PABPC4: variants seen among roughly 807,000 people sequenced by gnomAD.
PABPC4 encodes poly(A) binding protein cytoplasmic 4.
In PABPC4, 15 loss-of-function variants were observed where a neutral mutation model predicts 74.5. The ratio of observed to expected loss-of-function variants is 0.20; its 90% CI spans 0.13 to 0.31. The LOEUF (loss-of-function observed/expected upper bound fraction) is 0.31, where lower values mean the gene tolerates loss of function less well. Among genes scored for constraint, PABPC4 ranks in the 10% least tolerant of loss-of-function variants. The pLI is 1.00. For missense variants in PABPC4, 610 were observed against 853.5 expected (o/e 0.71, Z 3.55); for synonymous variants, 345 against 303.0 (o/e 1.14, Z -1.44).
In PABPC4 at chr1:39,569,979, C is replaced by G. The variant is rs1467455183; in HGVS notation, c.527G>C (p.Arg176Pro). The change falls in exon 4 of 16, where the codon CGC becomes CCC. Residue 176 changes from arginine to proline, a missense_variant. Physicochemically the swap from Arg to Pro is moderately radical, Grantham distance 103. Around this residue, in one of 4 missense-constraint regions of PABPC4, gnomAD observed 304 missense variants for 478.9 expected, o/e 0.63. Coordinates refer to ENST00000372858, the MANE Select transcript of PABPC4 (RefSeq NM_001135653.2). Reference sequence around the variant, plus strand: ...TCCAAGCTCAGCTTCCCGCTCTTTGCGAGACTTGAATCTGCCCACAAATCT... The same window carrying G: ...TCCAAGCTCAGCTTCCCGCTCTTTGGGAGACTTGAATCTGCCCACAAATCT... Reference protein sequence around the residue: ...RKVFVGRFKSRKEREAELGAK... With the variant: ...RKVFVGRFKSPKEREAELGAK... 1.2e-6 allele frequency: 2 copies of G among 1,613,748 alleles called. No individual in the cohort carries two copies. Among genetic ancestry groups the G allele is most frequent in the African/African-American group, 2.7e-5 (2 of 74,904 alleles).
intron 2 of PABPC4, among the ~76,000 whole-genome samples, chr1:39,572,157 C>T (rs1225336786): frequency 2.0e-5 from 3 of 152,132 alleles, no homozygotes; most frequent in Admixed American, 1.3e-4. Context: ...CTTTCCAAAG[C>T]TAAAGAATAG....
At chr1:39,564,024 G>T in intron 10 of PABPC4, 102 bp from the exon 11 acceptor site, 2 of 982,534 alleles carry the variant, frequency 2.0e-6, no homozygotes, top group Non-Finnish European at 3.2e-6. Flanking sequence ...GCAACACATT[G>T]CACAGGGGGC....
In PABPC4 at chr1:39,568,835, T is replaced by C. The variant is rs1384400796; in HGVS notation, c.843A>G (p.Glu281=). ...ERQAELKRKF[E]QLKQERISRY... ...GACTAATTCTCTCCTGTTTCAACTGTTCAAATTTCCGTTTTAACTCTGCCT... is the reference window on the plus strand; with the variant it reads ...GACTAATTCTCTCCTGTTTCAACTGCTCAAATTTCCGTTTTAACTCTGCCT... The change falls in exon 6 of 16, where the codon GAA becomes GAG. Residue 281 remains glutamate (E), a synonymous_variant. Transcript: ENST00000372858. 1.2e-6 allele frequency: 2 copies of C among 1,614,148 alleles called. No homozygotes were observed. Among genetic ancestry groups the C allele is most frequent in the Non-Finnish European group, 8.5e-7 (1 of 1,180,020 alleles).
At position 39,565,888 on chromosome 1, in the gene PABPC4, C is replaced by CA. The variant is rs202188650; in HGVS notation, c.973-511dup. On this transcript the variant is annotated intron_variant, in intron 7 of 15. Transcript: ENST00000372858. ...CAAAAACACCAACCAACCAAACCAA[C>CA]AAAAAAAACAAAACAAACCTACAAA... Among the ~76,000 whole-genome samples the CA allele has an allele frequency of 7.8e-3, 1,186 of 151,358 alleles. 14 individuals are homozygous for CA. The highest frequency in any genetic ancestry group is 0.026 in the African/African-American group (1,057 of 41,232).
Position 39,564,553 on chromosome 1 carries a change from G to A in PABPC4, c.1334-11C>T. ...GCATTCCTTGGAAGCCTGGTGAAGA[G>A]AAAAATTGCACATCATTGAGAAGTG... On this transcript the variant is annotated splice_polypyrimidine_tract_variant and intron_variant, in intron 9 of 15. Transcript: ENST00000372858. 1 of 1,613,954 alleles carries A rather than the reference G, an allele frequency of 6.2e-7. No individual in the cohort carries two copies. Among genetic ancestry groups the A allele is most frequent in the Admixed American group, 1.7e-5 (1 of 59,994 alleles).
rs775523610 is a variant in PABPC4 at position 39,562,053 on chromosome 1, G to C, written c.1893+20C>G. On this transcript the variant is annotated intron_variant, in intron 14 of 15. Transcript: ENST00000372858. The stretch of plus-strand genomic sequence containing the variant: ...TCCCAAGCTGAGAACTGAAGCTGCA[G>C]GGTCTGAGCCCCAGCTCACCTTGGA... 1 of 1,608,450 alleles carries C rather than the reference G, an allele frequency of 6.2e-7. No homozygotes were observed. Among genetic ancestry groups the C allele is most frequent in the Non-Finnish European group, 8.5e-7 (1 of 1,178,284 alleles).
chr1:39,569,586 T>C lies in PABPC4; in HGVS notation c.738+9A>G, dbSNP rs779155335. The C allele has an allele frequency of 6.2e-7, 1 of 1,607,742 alleles. No individual in the cohort carries two copies. Among genetic ancestry groups the C allele is most frequent in the Non-Finnish European group, 8.5e-7 (1 of 1,174,122 alleles). ...TAAAAGCTTTTCCCAATCTTTGTGG[T>C]ATACTCACCTTATTGGCATCCTCGT... On this transcript the variant is annotated intron_variant, in intron 5 of 15. Transcript: ENST00000372858.
chr1:39,564,014 G>C (rs556106728), intron 10 of PABPC4, 92 bp from the exon 11 acceptor site: 27 of 1,111,574 alleles, frequency 2.4e-5, no homozygotes, highest in Non-Finnish European at 3.4e-5. Context: ...GCACGTTTAC[G>C]CAACACATTG....
chr1:39,571,417 A>G, intron 2 of PABPC4, 68 bp from the exon 3 acceptor site: 1 of 1,584,828 alleles, frequency 6.3e-7, no homozygotes, highest in East Asian at 2.3e-5. Context: ...ACCTCAGGGT[A>G]TCTTGTGCCT....
intron 8 of PABPC4, 104 bp downstream of exon 8, chr1:39,565,002 G>GT (rs1645815713): frequency 1.6e-6 from 2 of 1,261,548 alleles, no homozygotes; most frequent in East Asian, 4.7e-5. Context: ...GGTCCTTATT[G>GT]TGACATTCTA....
intron 9 of PABPC4, 56 bp downstream of exon 9, chr1:39,564,630 G>A: frequency 6.2e-7 from 1 of 1,609,268 alleles, no homozygotes; most frequent in Non-Finnish European, 8.5e-7. Context: ...AGGAAAGGCA[G>A]GGGAGACCAG....
chr1:39,565,178 T>A lies in PABPC4; in HGVS notation c.1173A>T (p.Ala391=). The change falls in exon 8 of 16, where the codon GCA becomes GCT. Residue 391 remains alanine (A), a synonymous_variant. Coordinates refer to ENST00000372858, the MANE Select transcript of PABPC4 (RefSeq NM_001135653.2). ...GATTTAAGATGGCATTGGCAGGAAG[T>A]GCTCTCATTCCAGCCACTCGTTGCA... ...QYMQRVAGMR[A]LPANAILNQF... 1.2e-6 allele frequency: 2 copies of A among 1,614,100 alleles called. No homozygotes were observed. The highest frequency in any genetic ancestry group is 1.7e-6 in the Non-Finnish European group (2 of 1,179,966).
intron 5 of PABPC4, among the ~76,000 whole-genome samples, chr1:39,569,146 T>C (rs973373615): frequency 6.6e-6 from 1 of 152,196 alleles, no homozygotes; most frequent in Non-Finnish European, 1.5e-5. Context: ...AATATAGAAA[T>C]AGTACAGGTG....
intron 12 of PABPC4, 46 bp downstream of exon 12, chr1:39,563,568 G>A (rs1274540211): frequency 1.3e-6 from 2 of 1,588,140 alleles, no homozygotes; most frequent in Non-Finnish European, 1.7e-6. Context: ...TACATCAAGT[G>A]GAAATGGGGG....
At position 39,576,020 on chromosome 1, in the gene PABPC4, G is replaced by A. The variant is rs551694550; in HGVS notation, c.-69C>T. On this transcript the variant is annotated 5_prime_UTR_variant, in exon 1 of 16. Transcript: ENST00000372858. ...TATCGGGCCCGCCGCAGGACAAAGG[G>A]GCGCCTTCGGAGCCCGGGCCCGCGC... 246 of 1,102,916 alleles carry A rather than the reference G, an allele frequency of 2.2e-4. No individual in the cohort carries two copies. In the African/African-American group the frequency reaches 3.7e-3, roughly 16 times the overall value. 68.3% of individuals were successfully genotyped at this position (1,102,916 alleles called of 1,614,324 possible).
chr1:39,570,097 G>T, intron 3 of PABPC4, 95 bp from the exon 4 acceptor site: 1 of 1,245,200 alleles, frequency 8.0e-7, no homozygotes, highest in Non-Finnish European at 1.1e-6. Flanking sequence ...TGACAGGAGA[G>T]GTTAAAACAC....
intron 12 of PABPC4, chr1:39,563,364 C>T: frequency 2.2e-6 from 1 of 463,102 alleles, no homozygotes; most frequent in East Asian, 3.8e-5. Flanking sequence ...TTATTTCGTA[C>T]AAACAGAAGA....
At chr1:39,568,589 G>C (rs1645888352) in intron 6 of PABPC4, 2 of 460,610 alleles carry the variant, frequency 4.3e-6, no homozygotes, top group African/African-American at 4.1e-5. Context: ...AAAATAGAGA[G>C]CTTCTTGATG....
intron 2 of PABPC4, among the ~76,000 whole-genome samples, chr1:39,571,888 A>G (rs1292513146): frequency 6.6e-6 from 1 of 152,212 alleles, no homozygotes; most frequent in Non-Finnish European, 1.5e-5. Flanking sequence ...TTAAAACACA[A>G]CAACACATTT....
Sources: allele counts gnomAD v4.1 joint callset (sites outside exome capture counted in the v4.1 genomes callset), GRCh38; gene constraint gnomAD v4.1.1; regional missense constraint gnomAD v4.1.1; transcripts MANE v1.5; gene names NCBI Gene and HGNC (gene_info 2026-07-23, HGNC 2026-07-21).